TENM3: variants seen among roughly 807,000 people sequenced by gnomAD.
The protein encoded by TENM3 is teneurin-3.
A neutral mutation model predicts 255.1 loss-of-function variants in TENM3; 63 were observed. The ratio of observed to expected loss-of-function variants is 0.25; its 90% CI spans 0.20 to 0.30. The LOEUF is 0.30. TENM3 is among the 10% of genes least tolerant of loss of function. TENM3 has a pLI of 1.00. For missense variants in TENM3, 2,929 were observed against 3,461.1 expected (o/e 0.85, Z 3.86); for synonymous variants, 1,306 against 1,322.3 (o/e 0.99, Z 0.27).
rs151137399 is a variant in TENM3 at position 182,542,952 on chromosome 4, T to C, written c.512-57972T>C. Among the ~76,000 whole-genome samples, 787 of 152,320 alleles carry C rather than the reference T, an allele frequency of 5.2e-3. 5 individuals carry two copies. Among genetic ancestry groups the C allele is most frequent in the African/African-American group, 0.018 (752 of 41,578 alleles). ...CACGGGTTAAAGAGGTTTGTATGAC[T>C]CAGCTAAGATCATACAGCCAGTAAA... On this transcript the variant is annotated intron_variant, in intron 3 of 27. Coordinates refer to ENST00000511685, the MANE Select transcript of TENM3 (RefSeq NM_001080477.4).
At position 182,796,731 on chromosome 4, in the gene TENM3, C is replaced by T. The variant is rs760848846; in HGVS notation, c.7308C>T (p.Tyr2436=). The change falls in exon 27 of 28, where the codon TAC becomes TAT. Residue 2436 remains tyrosine, a synonymous_variant. Coordinates refer to ENST00000511685, the MANE Select transcript of TENM3 (RefSeq NM_001080477.4). ...VPKFDLTEPS[Y]ELVKSQQWDD... ...AATTTGATTTAACAGAACCTTCTTA[C>T]GAACTTGTGAAGAGTCAGCAGTGGG... 1.6e-5 allele frequency: 26 copies of T among 1,610,962 alleles called. No homozygotes were observed. The highest frequency in any genetic ancestry group is 8.4e-5 in the Admixed American group (5 of 59,670).
In TENM3 at chr4:182,703,531, A is replaced by G. The variant is rs1182964537; in HGVS notation, c.2222-10556A>G. On this transcript the variant is annotated intron_variant, in intron 12 of 27. Coordinates refer to ENST00000511685, the MANE Select transcript of TENM3 (RefSeq NM_001080477.4). ...AAGTGGGTAGATTATTTGTGTCACC[A>G]GCATCAGCTCATGAGAAAAGGCTGA... 2.6e-5 allele frequency among the ~76,000 whole-genome samples: 4 copies of G among 152,358 alleles called. No homozygotes were observed. The East Asian group carries it at 7.7e-4, about 29-fold the overall frequency.
chr4:182,118,313 T>G, the TENM3 span, among the ~76,000 whole-genome samples: 1 of 152,206 alleles, frequency 6.6e-6, no homozygotes. Flanking sequence ...GTACTTCAAG[T>G]ACAATGATGA....
In TENM3 at chr4:182,317,342, G is replaced by A. The variant is rs548339180; in HGVS notation, c.-75-6604G>A. The stretch of plus-strand genomic sequence containing the variant: ...CGAGACAGGGTCTTACTCTGTCTCC[G>A]AGGCTAGAGTGCAGTGGCACTGTCA... On this transcript the variant is annotated intron_variant, in intron 1 of 27. Coordinates refer to ENST00000511685, the MANE Select transcript of TENM3 (RefSeq NM_001080477.4). Among the ~76,000 whole-genome samples the A allele has an allele frequency of 9.2e-5, 14 of 152,068 alleles. No homozygotes were observed. In the East Asian group the frequency reaches 2.5e-3, roughly 27 times the overall value.
At chr4:182,540,884 C>A (rs1260081395) in intron 3 of TENM3, among the ~76,000 whole-genome samples, 1 of 152,124 alleles carries the variant, frequency 6.6e-6, no homozygotes, top group Non-Finnish European at 1.5e-5. Context: ...GGAGGATTTC[C>A]CTGAGGAATC....
chr4:182,109,876 T>C, the TENM3 span, among the ~76,000 whole-genome samples: 1 of 152,214 alleles, frequency 6.6e-6, no homozygotes. Flanking sequence ...CTATGGCCCA[T>C]GTGCCAAATC....
At chr4:181,799,972 G>A in the TENM3 span, among the ~76,000 whole-genome samples, 2 of 152,142 alleles carry the variant, frequency 1.3e-5, no homozygotes, top group Non-Finnish European at 2.9e-5. Flanking sequence ...ACTGGAAAGC[G>A]GTTGCCCAGA....
chr4:182,044,381 C>T, the TENM3 span, among the ~76,000 whole-genome samples: 2 of 152,218 alleles, frequency 1.3e-5, no homozygotes, highest in Non-Finnish European at 2.9e-5. Flanking sequence ...TTACTGCATA[C>T]GTTTTAACTA....
chr4:181,698,486 A>G, the TENM3 span, among the ~76,000 whole-genome samples: 201 of 152,298 alleles, frequency 1.3e-3, 1 homozygote, highest in African/African-American at 4.4e-3. Context: ...TCACTCTGGC[A>G]TGCTTTCACT....
At chr4:182,700,619 A>G (rs1757776634) in intron 12 of TENM3, among the ~76,000 whole-genome samples, 4 of 152,172 alleles carry the variant, frequency 2.6e-5, no homozygotes, top group Admixed American at 2.6e-4. Flanking sequence ...AAATATGACT[A>G]TCATTTCTGG....
At chr4:181,851,541 C>G in the TENM3 span, among the ~76,000 whole-genome samples, 2 of 152,180 alleles carry the variant, frequency 1.3e-5, no homozygotes, top group Admixed American at 6.5e-5. Flanking sequence ...GGTATTCCAA[C>G]AAGCACTGAA....
At chr4:182,072,334 G>T in the TENM3 span, among the ~76,000 whole-genome samples, 1 of 152,260 alleles carries the variant, frequency 6.6e-6, no homozygotes, top group East Asian at 1.9e-4. Flanking sequence ...TTTCAGTAGG[G>T]TGGACACCGG....
chr4:182,441,122 C>T (rs1025059187), intron 3 of TENM3, among the ~76,000 whole-genome samples: 1 of 151,852 alleles, frequency 6.6e-6, no homozygotes, highest in Admixed American at 6.6e-5. Context: ...TATCTGAGAG[C>T]GATCTGGGAG....
intron 4 of TENM3, among the ~76,000 whole-genome samples, chr4:182,610,637 C>T (rs990989220): frequency 6.6e-6 from 1 of 152,096 alleles, no homozygotes; most frequent in African/African-American, 2.4e-5. Context: ...GAGCTATGAT[C>T]GCACCACTGT....
chr4:181,684,210 C>T, the TENM3 span, among the ~76,000 whole-genome samples: 2 of 152,098 alleles, frequency 1.3e-5, no homozygotes, highest in African/African-American at 4.8e-5. Context: ...GTGTTATTCA[C>T]GAGTGCATGT....
chr4:182,168,866 T>G (rs765871774), intron 1 of TENM3, among the ~76,000 whole-genome samples: 10 of 152,298 alleles, frequency 6.6e-5, no homozygotes, highest in Admixed American at 1.3e-4. Flanking sequence ...ATTTATATCT[T>G]CTGAAAAAAA....
chr4:181,456,556 C>A, the TENM3 span, among the ~76,000 whole-genome samples: 1 of 151,844 alleles, frequency 6.6e-6, no homozygotes, highest in East Asian at 1.9e-4. Flanking sequence ...TATATCAACT[C>A]TTCTATCATG....
At chr4:181,878,829 A>T in the TENM3 span, among the ~76,000 whole-genome samples, 1 of 152,022 alleles carries the variant, frequency 6.6e-6, no homozygotes, top group East Asian at 1.9e-4. Flanking sequence ...CTATCTACCT[A>T]CCTACCTACC....
chr4:182,528,006 A>G (rs1322955897), intron 3 of TENM3, among the ~76,000 whole-genome samples: 1 of 152,246 alleles, frequency 6.6e-6, no homozygotes, highest in Non-Finnish European at 1.5e-5. Flanking sequence ...GATTACAGGC[A>G]TGAGCCACCA....
Sources: allele counts gnomAD v4.1 joint callset (sites outside exome capture counted in the v4.1 genomes callset), GRCh38; gene constraint gnomAD v4.1.1; transcripts MANE v1.5; gene names NCBI Gene and HGNC (gene_info 2026-07-23, HGNC 2026-07-21).